Variants in DENND1A observed in about 807,000 individuals in gnomAD.
The protein encoded by DENND1A is DENN domain-containing protein 1A.
In DENND1A, 51 loss-of-function variants were observed where a neutral mutation model predicts 113.7. The ratio of observed to expected loss-of-function variants is 0.45; its 90% CI spans 0.36 to 0.57. The LOEUF (loss-of-function observed/expected upper bound fraction) is 0.57. Ranked by LOEUF, DENND1A falls within the 20% of genes least tolerant of loss-of-function variation. The probability of loss-of-function intolerance (pLI) is 0.00; values close to 1 mark genes in which losing one functional copy is unlikely to be tolerated. For synonymous variants in DENND1A, 565 were observed against 570.8 expected, an observed-to-expected ratio of 0.99 and a Z score of 0.14; for missense variants, 1,258 against 1,395.9, an observed-to-expected ratio of 0.90 and a Z score of 1.57.
chr9:123,891,649 G>A (rs1005640577), intron 1 of DENND1A, among the ~76,000 whole-genome samples: 5 of 151,972 alleles, frequency 3.3e-5, no homozygotes, highest in African/African-American at 9.7e-5. Flanking sequence ...AAATAAAATC[G>A]TACTAAATCA....
intron 8 of DENND1A, among the ~76,000 whole-genome samples, chr9:123,664,152 T>A (rs144212129): frequency 5.9e-5 from 9 of 152,220 alleles, no homozygotes; most frequent in Non-Finnish European, 1.2e-4. Flanking sequence ...CATACATACA[T>A]ACCTTTCCTA....
intron 13 of DENND1A, among the ~76,000 whole-genome samples, chr9:123,512,695 A>AT (rs946768453): frequency 6.6e-6 from 1 of 152,202 alleles, no homozygotes; most frequent in African/African-American, 2.4e-5. Flanking sequence ...GGGCATGTGC[A>AT]TAAGTTTGGC....
At chr9:123,866,732 T>C (rs922855292) in intron 2 of DENND1A, among the ~76,000 whole-genome samples, 33 of 152,180 alleles carry the variant, frequency 2.2e-4, no homozygotes, top group African/African-American at 7.7e-4. Context: ...GTACATATTA[T>C]CTCTAATTTA....
At chr9:123,510,381 A>C (rs1197305718) in intron 13 of DENND1A, among the ~76,000 whole-genome samples, 2 of 152,258 alleles carry the variant, frequency 1.3e-5, no homozygotes, top group African/African-American at 4.8e-5. Flanking sequence ...GTGTGAGCAC[A>C]CAAGGACACA....
chr9:123,499,731 A>G (rs941929843), intron 13 of DENND1A, among the ~76,000 whole-genome samples: 3 of 152,190 alleles, frequency 2.0e-5, no homozygotes, highest in African/African-American at 7.2e-5. Context: ...GATGTTGGAA[A>G]TTCATCCTTC....
At chr9:123,553,414 C>A (rs2057240003) in intron 13 of DENND1A, among the ~76,000 whole-genome samples, 1 of 150,512 alleles carries the variant, frequency 6.6e-6, no homozygotes. Context: ...CCCCCCCGCT[C>A]CTCATCCCTC....
chr9:123,900,166 T>G (rs146744113), intron 1 of DENND1A, among the ~76,000 whole-genome samples: 32 of 152,360 alleles, frequency 2.1e-4, no homozygotes, highest in African/African-American at 7.0e-4. Flanking sequence ...GATTATCAGT[T>G]ATCTGGAACC....
chr9:123,528,304 G>T (rs925124092), intron 13 of DENND1A, among the ~76,000 whole-genome samples: 2 of 152,026 alleles, frequency 1.3e-5, no homozygotes, highest in South Asian at 4.2e-4. Context: ...TTTTCTTCTT[G>T]GGCAGCTTCT....
chr9:123,387,242 T>C (rs929317496), intron 22 of DENND1A, among the ~76,000 whole-genome samples: 2 of 152,224 alleles, frequency 1.3e-5, no homozygotes, highest in African/African-American at 4.8e-5. Context: ...AGGCTATAAA[T>C]AATAATGATT....
chr9:123,643,260 AT>A (rs898871628), intron 9 of DENND1A, among the ~76,000 whole-genome samples: 1 of 151,794 alleles, frequency 6.6e-6, no homozygotes, highest in Non-Finnish European at 1.5e-5. Context: ...GTGCCAGTTT[AT>A]TTTTTTTGTC....
At chr9:123,917,926 C>A (rs1044253692) in intron 1 of DENND1A, among the ~76,000 whole-genome samples, 1 of 151,100 alleles carries the variant, frequency 6.6e-6, no homozygotes. Flanking sequence ...CTGGCTAACA[C>A]GGTGAAACCC....
chr9:123,840,416 A>G (rs1277259926), intron 2 of DENND1A, among the ~76,000 whole-genome samples: 1 of 152,186 alleles, frequency 6.6e-6, no homozygotes, highest in African/African-American at 2.4e-5. Context: ...AAGTTTAAAC[A>G]TGATAATTAT....
chr9:123,442,958 G>C lies in DENND1A; in HGVS notation c.1357-2467C>G, dbSNP rs1467225276. Among the ~76,000 whole-genome samples, 4 of 152,144 alleles carry C rather than the reference G, an allele frequency of 2.6e-5. No homozygotes were observed. In the East Asian group the frequency reaches 5.8e-4, roughly 22 times the overall value. On this transcript the variant is annotated intron_variant, in intron 18 of 23. Transcript: ENST00000394215. ...CAAATTGAACCTCAATTTGCAAAAC[G>C]GAGAGAGCACCTGCTAAAAAGAAGA...
At chr9:123,500,320 A>G (rs2052361436) in intron 13 of DENND1A, among the ~76,000 whole-genome samples, 1 of 152,210 alleles carries the variant, frequency 6.6e-6, no homozygotes, top group Non-Finnish European at 1.5e-5. Context: ...CAGGATTCCA[A>G]TCACATCAGC....
chr9:123,466,406 T>A (rs1214082465), intron 13 of DENND1A, among the ~76,000 whole-genome samples: 1 of 151,972 alleles, frequency 6.6e-6, no homozygotes, highest in Non-Finnish European at 1.5e-5. Context: ...TTCAAGTGAT[T>A]ATCCTGCCTC....
Position 123,710,532 on chromosome 9 carries a change from T to A in DENND1A, c.303-33743A>T, listed in dbSNP as rs1023807963. The stretch of plus-strand genomic sequence containing the variant: ...TGCTGAGTCATCTATAAAGCCTCAT[T>A]AAACACACACACACACACACACACA... On this transcript the variant is annotated intron_variant, in intron 5 of 23. Coordinates refer to ENST00000394215, the MANE Select transcript of DENND1A (RefSeq NM_001352964.2). Among the ~76,000 whole-genome samples, 23 of 103,314 alleles carry A rather than the reference T, an allele frequency of 2.2e-4. 1 individual carries two copies. Among genetic ancestry groups the A allele is most frequent in the Non-Finnish European group, 4.0e-4 (21 of 52,320 alleles). 67.8% of individuals were successfully genotyped at this position (103,314 alleles called of 152,430 possible). A position where few individuals can be genotyped will look rare whatever the true frequency, so the allele number is the denominator to read the frequency against.
In DENND1A at chr9:123,382,291, A is replaced by C. The variant is rs1424014026; in HGVS notation, c.2354T>G (p.Leu785Arg). 1 of 1,610,768 alleles carries C rather than the reference A, an allele frequency of 6.2e-7. No individual in the cohort carries two copies. The highest frequency in any genetic ancestry group is 1.7e-5 in the Admixed American group (1 of 59,886). ...ACCAAGTGCGGCGCCGGCAGCCTGGAGCTTGGCCGGGCGGGGAATGGGCGG... is the reference window on the plus strand; with the variant it reads ...ACCAAGTGCGGCGCCGGCAGCCTGGCGCTTGGCCGGGCGGGGAATGGGCGG... ...PPPPIPRPAK[L>R]QAAGAALGDV... Residue 785 changes from leucine to arginine, a missense_variant, in exon 24 of 24, where the codon CTC (leucine) becomes CGC (arginine). By Grantham distance (102) the Leu-to-Arg change is moderately radical (BLOSUM62 -2). Transcript: ENST00000394215.
intron 19 of DENND1A, among the ~76,000 whole-genome samples, chr9:123,415,900 G>T (rs1197595638): frequency 1.3e-5 from 2 of 152,158 alleles, no homozygotes; most frequent in Non-Finnish European, 2.9e-5. Context: ...CCCAGCTGGG[G>T]ACACAGATGG....
chr9:123,475,352 AT>A (rs2049818795), intron 13 of DENND1A, among the ~76,000 whole-genome samples: 1 of 152,222 alleles, frequency 6.6e-6, no homozygotes. Context: ...ACGAACATAA[AT>A]AAGTTATTAA....
Sources: allele counts gnomAD v4.1 joint callset (sites outside exome capture counted in the v4.1 genomes callset), GRCh38; gene constraint gnomAD v4.1.1; transcripts MANE v1.5; gene names NCBI Gene and HGNC (gene_info 2026-07-23, HGNC 2026-07-21).